RHOU: variants seen among roughly 807,000 people sequenced by gnomAD.
RHOU encodes ras homolog family member U.
A neutral mutation model predicts 12.6 loss-of-function variants in RHOU; 8 were observed. That is an observed-to-expected ratio of 0.64 (90% CI 0.37 to 1.15). The LOEUF is 1.15. Ranked by LOEUF, RHOU falls within the 50% of genes most tolerant of loss-of-function variation. RHOU has a pLI of 0.01. For missense variants in RHOU, 258 were observed against 347.0 expected (o/e 0.74, Z 2.04); for synonymous variants, 161 against 147.4 (o/e 1.09, Z -0.67).
At chr1:228,721,881 G>C in the RHOU span, among the ~76,000 whole-genome samples, 1 of 152,206 alleles carries the variant, frequency 6.6e-6, no homozygotes, top group Non-Finnish European at 1.5e-5. Context: ...CTCGAACCCT[G>C]ACCTCAGGTG....
At chr1:228,733,139 A>G (rs568449228), upstream of RHOU, among the ~76,000 whole-genome samples, 6 of 152,370 alleles carry the variant, frequency 3.9e-5, no homozygotes, top group South Asian at 2.1e-4. Flanking sequence ...CCTTACAAAC[A>G]TGGGAATTCA....
the RHOU span, among the ~76,000 whole-genome samples, chr1:228,652,197 A>G: frequency 5.9e-5 from 9 of 152,364 alleles, no homozygotes; most frequent in Admixed American, 5.9e-4. Flanking sequence ...TGCCAGGAGG[A>G]AAAGGGTACT....
chr1:228,728,778 G>C, the RHOU span, among the ~76,000 whole-genome samples: 4 of 152,116 alleles, frequency 2.6e-5, no homozygotes, highest in African/African-American at 4.8e-5. Context: ...CCACCACTCA[G>C]ATCAAGAAAT....
At chr1:228,736,028 C>G (rs752908501) in intron 1 of RHOU, 24 bp downstream of exon 1, 1 of 1,565,710 alleles carries the variant, frequency 6.4e-7, no homozygotes, top group African/African-American at 1.4e-5. Flanking sequence ...GGGGCCGGGG[C>G]CGGGGGCGCG....
the RHOU span, among the ~76,000 whole-genome samples, chr1:228,647,197 C>G: frequency 6.6e-6 from 1 of 152,212 alleles, no homozygotes; most frequent in Non-Finnish European, 1.5e-5. Flanking sequence ...CAACGGAGCG[C>G]TGAGACGGGT....
At chr1:228,668,255 CT>C in the RHOU span, among the ~76,000 whole-genome samples, 1 of 152,180 alleles carries the variant, frequency 6.6e-6, no homozygotes, top group South Asian at 2.1e-4. Context: ...TTGCACATGG[CT>C]GTTCATGTGT....
the RHOU span, among the ~76,000 whole-genome samples, chr1:228,655,362 A>G: frequency 1.3e-5 from 2 of 152,148 alleles, no homozygotes; most frequent in African/African-American, 4.8e-5. Flanking sequence ...TAGGCCTCCC[A>G]AAGTGCTGGG....
chr1:228,737,536 A>T lies in RHOU; in HGVS notation c.263-137A>T. 1.2e-6 allele frequency: 1 copy of T among 816,932 alleles called. No individual in the cohort carries two copies. The highest frequency in any genetic ancestry group is 2.0e-6 in the Non-Finnish European group (1 of 492,784). The allele number at this position is 816,932 out of a possible 1,614,324, so 50.6% of individuals were successfully genotyped here. ...CCACAGGGCCTCCTTGTTTTTGGCT[A>T]GTCTTTAATTCATTAGAGGACCTAA... is the stretch of plus-strand genomic sequence containing the variant. On this transcript the variant is annotated intron_variant, in intron 1 of 2. Transcript: ENST00000366691. This position sits in a 1 kb window ranked among gnomAD's most constrained non-coding sequence, Gnocchi z 4.1.
the RHOU span, chr1:228,650,280 G>C: frequency 1.7e-5 from 8 of 463,774 alleles, no homozygotes; most frequent in Admixed American, 1.9e-4. Flanking sequence ...CAGTGTGCAA[G>C]ATGCTCCGCA....
At chr1:228,707,535 C>A in the RHOU span, among the ~76,000 whole-genome samples, 1 of 151,766 alleles carries the variant, frequency 6.6e-6, no homozygotes, top group Admixed American at 6.6e-5. Flanking sequence ...GAGGCACCCC[C>A]CAGCAGGGGC....
At chr1:228,704,673 C>T in the RHOU span, among the ~76,000 whole-genome samples, 1 of 151,654 alleles carries the variant, frequency 6.6e-6, no homozygotes, top group Admixed American at 6.6e-5. Context: ...ATTGGCCAGG[C>T]TCGTGTTGAA....
chr1:228,696,189 CTA>C, the RHOU span, among the ~76,000 whole-genome samples: 1 of 151,194 alleles, frequency 6.6e-6, no homozygotes, highest in Admixed American at 6.6e-5. Context: ...TCTTTCCCCT[CTA>C]TTTTTTCTGC....
chr1:228,686,606 G>T, the RHOU span, among the ~76,000 whole-genome samples: 1 of 152,132 alleles, frequency 6.6e-6, no homozygotes, highest in Admixed American at 6.5e-5. Flanking sequence ...TTTTAGTATT[G>T]GGTCGGTGCA....
chr1:228,720,228 G>A, the RHOU span, among the ~76,000 whole-genome samples: 2 of 152,132 alleles, frequency 1.3e-5, no homozygotes, highest in Non-Finnish European at 2.9e-5. Context: ...AGTTTTTTGT[G>A]TGTGTACAAA....
the RHOU span, among the ~76,000 whole-genome samples, chr1:228,657,279 C>CA: frequency 0.024 from 680 of 27,814 alleles, 10 homozygotes; most frequent in African/African-American, 0.049. Context: ...AACTCCATCT[C>CA]AAAAAAAAAA....
In RHOU at chr1:228,746,273, A is replaced by C. The variant is rs1662832766; in HGVS notation, c.*2533A>C. On this transcript the variant is annotated 3_prime_UTR_variant, in exon 3 of 3. Coordinates refer to ENST00000366691, the MANE Select transcript of RHOU (RefSeq NM_021205.6). ...TAAATATAAAGTTGGTTCACTTCAA[A>C]GCTAAAAAATTGTTAAACTTGCAGC... 1 of 152,248 alleles carries C rather than the reference A, an allele frequency of 6.6e-6. No homozygotes were observed. The highest frequency in any genetic ancestry group is 6.5e-5 in the Admixed American group (1 of 15,284). The allele number at this position is 152,248 out of a possible 1,614,324, so 9.4% of individuals were successfully genotyped here. A position where few individuals can be genotyped will look rare whatever the true frequency, so the allele number is the denominator to read the frequency against.
chr1:228,711,549 G>T, the RHOU span, among the ~76,000 whole-genome samples: 14 of 152,198 alleles, frequency 9.2e-5, no homozygotes, highest in African/African-American at 3.1e-4. Flanking sequence ...ACAAAAACAA[G>T]CAATGGGGAA....
At chr1:228,656,685 A>G in the RHOU span, among the ~76,000 whole-genome samples, 2 of 152,238 alleles carry the variant, frequency 1.3e-5, no homozygotes, top group Non-Finnish European at 2.9e-5. Flanking sequence ...GCTATAGAAT[A>G]TATACAAAAG....
the RHOU span, among the ~76,000 whole-genome samples, chr1:228,658,428 T>G: frequency 1.3e-5 from 2 of 152,176 alleles, no homozygotes; most frequent in South Asian, 2.1e-4. Flanking sequence ...CTCCTCCACG[T>G]GGGGACACAA....
Sources: allele counts gnomAD v4.1 joint callset (sites outside exome capture counted in the v4.1 genomes callset), GRCh38; gene constraint gnomAD v4.1.1; non-coding constraint Gnocchi (gnomAD v3.1); transcripts MANE v1.5; gene names NCBI Gene and HGNC (gene_info 2026-07-23, HGNC 2026-07-21).